Variants in KDM3B observed in about 807,000 individuals in gnomAD.
The protein encoded by KDM3B is lysine demethylase 3B.
Under a neutral mutation model 170.0 loss-of-function variants are expected in KDM3B, and 10 were observed. The observed-to-expected ratio is 0.06, with a 90% CI of 0.04 to 0.10. The LOEUF (loss-of-function observed/expected upper bound fraction) is 0.10, where lower values mean the gene tolerates loss of function less well. KDM3B is among the 10% of genes least tolerant of loss of function. The pLI is 1.00. For missense variants in KDM3B, 1,394 were observed against 2,195.2 expected, an observed-to-expected ratio of 0.64 and a Z score of 7.29; for synonymous variants, 831 against 834.8, an observed-to-expected ratio of 1.00 and a Z score of 0.08.
At chr5:138,353,233 A>T (rs1479654712) in intron 1 of KDM3B, among the ~76,000 whole-genome samples, 1 of 152,174 alleles carries the variant, frequency 6.6e-6, no homozygotes, top group African/African-American at 2.4e-5. Flanking sequence ...GCTTGCAGCC[A>T]GCAGGCCCCG....
At chr5:138,354,239 C>T (rs1761398967) in intron 1 of KDM3B, among the ~76,000 whole-genome samples, 1 of 152,074 alleles carries the variant, frequency 6.6e-6, no homozygotes, top group Non-Finnish European at 1.5e-5. Flanking sequence ...TTTCTTCATG[C>T]TGTATAAGAA....
chr5:138,407,157 T>C (rs1762845099), intron 11 of KDM3B, among the ~76,000 whole-genome samples: 1 of 151,988 alleles, frequency 6.6e-6, no homozygotes, highest in South Asian at 2.1e-4. Context: ...AGCTAATTTC[T>C]GTATTTTTAG....
intron 6 of KDM3B, among the ~76,000 whole-genome samples, chr5:138,383,012 C>T (rs1288587818): frequency 2.0e-5 from 3 of 152,156 alleles, no homozygotes; most frequent in East Asian, 1.9e-4. Flanking sequence ...AGGCTGCTTA[C>T]TCACGTATGA....
chr5:138,362,252 G>A (rs1761627236), intron 1 of KDM3B, among the ~76,000 whole-genome samples: 1 of 151,884 alleles, frequency 6.6e-6, no homozygotes. Context: ...GGGAGGCAGA[G>A]GTTGCAGTGA....
chr5:138,376,388 A>G (rs1283747760), intron 3 of KDM3B, among the ~76,000 whole-genome samples: 1 of 152,102 alleles, frequency 6.6e-6, no homozygotes, highest in African/African-American at 2.4e-5. Flanking sequence ...AGATTTAAGA[A>G]CACAATTCTG....
At chr5:138,372,248 A>G (rs1226317181) in intron 1 of KDM3B, among the ~76,000 whole-genome samples, 1 of 152,228 alleles carries the variant, frequency 6.6e-6, no homozygotes, top group East Asian at 1.9e-4. Context: ...AGTCATTTCA[A>G]TAGAAGTATT....
intron 11 of KDM3B, among the ~76,000 whole-genome samples, chr5:138,403,284 T>A (rs533748635): frequency 4.6e-5 from 7 of 152,278 alleles, no homozygotes; most frequent in African/African-American, 1.7e-4. Context: ...TAATCAGTAA[T>A]TATCGAGTGT....
chr5:138,428,940 C>CTTTTTTTTTTT (rs397884825), intron 20 of KDM3B, among the ~76,000 whole-genome samples: 1 of 101,230 alleles, frequency 9.9e-6, no homozygotes, highest in Non-Finnish European at 2.1e-5. Context: ...GGGATAATTT[C>CTTTTTTTTTTT]TTTTTTTTTT....
At chr5:138,420,196 G>T (rs1196001265) in intron 14 of KDM3B, among the ~76,000 whole-genome samples, 1 of 152,150 alleles carries the variant, frequency 6.6e-6, no homozygotes, top group Non-Finnish European at 1.5e-5. Flanking sequence ...CCATATACAA[G>T]ACTTTTAACA....
Position 138,386,186 on chromosome 5 carries a change from T to C in KDM3B, c.945T>C (p.Asp315=). 1 of 1,614,012 alleles carries C rather than the reference T, an allele frequency of 6.2e-7. No homozygotes were observed. Among genetic ancestry groups the C allele is most frequent in the East Asian group, 2.2e-5 (1 of 44,872 alleles). The change falls in exon 7 of 24, where the codon GAT becomes GAC. Residue 315 remains aspartate (D), a synonymous_variant. Transcript: ENST00000314358. ...DRGEVDSNGS[D]GGEASRGPWK... ...GTGAAGTAGACAGTAATGGGAGCGA[T>C]GGAGGTGAGGCAAGCCGAGGGCCCT... is the stretch of plus-strand genomic sequence containing the variant.
chr5:138,366,831 CA>C (rs1468106702), intron 1 of KDM3B, among the ~76,000 whole-genome samples: 1 of 152,166 alleles, frequency 6.6e-6, no homozygotes, highest in African/African-American at 2.4e-5. Context: ...TAAAGATATT[CA>C]AATGCATAAT....
At chr5:138,387,519 C>T (rs1045352199) in intron 7 of KDM3B, among the ~76,000 whole-genome samples, 16 of 152,116 alleles carry the variant, frequency 1.1e-4, no homozygotes, top group Admixed American at 3.3e-4. Context: ...CATCCTAAAA[C>T]GGAATCATTT....
intron 7 of KDM3B, among the ~76,000 whole-genome samples, chr5:138,389,531 G>A (rs989721695): frequency 2.0e-5 from 3 of 152,054 alleles, no homozygotes; most frequent in Admixed American, 6.6e-5. Flanking sequence ...ACAGTGTTGC[G>A]AAACTATGAA....
At chr5:138,430,008 A>T in intron 21 of KDM3B, 43 bp downstream of exon 21, 2 of 1,606,212 alleles carry the variant, frequency 1.2e-6, no homozygotes, top group Non-Finnish European at 1.7e-6. Flanking sequence ...ACATATCAAG[A>T]GTCTCGTTGC....
At chr5:138,408,330 TTC>T (rs750712696) in intron 11 of KDM3B, among the ~76,000 whole-genome samples, 11 of 151,612 alleles carry the variant, frequency 7.3e-5, no homozygotes, top group Non-Finnish European at 1.3e-4. Context: ...CTGTTTTACT[TTC>T]TCTTTCTTTC....
intron 14 of KDM3B, 84 bp from the exon 15 acceptor site, chr5:138,420,622 C>T: frequency 2.8e-6 from 4 of 1,423,274 alleles, no homozygotes; most frequent in Non-Finnish European, 3.9e-6. Context: ...TTTCCTCCTT[C>T]CCATGTGACT....
At chr5:138,390,983 C>T (rs1157222186) in intron 7 of KDM3B, 30 bp from the exon 8 acceptor site, 2 of 1,512,682 alleles carry the variant, frequency 1.3e-6, no homozygotes, top group African/African-American at 1.4e-5. Context: ...GAGAAGCCAG[C>T]ATCACTAATT....
At chr5:138,389,789 T>G (rs1259180564) in intron 7 of KDM3B, among the ~76,000 whole-genome samples, 2 of 151,096 alleles carry the variant, frequency 1.3e-5, no homozygotes, top group Admixed American at 1.3e-4. Flanking sequence ...TCTCTGTGTG[T>G]GTGTGTGTGT....
chr5:138,355,790 G>C (rs1761434513), intron 1 of KDM3B, among the ~76,000 whole-genome samples: 1 of 152,104 alleles, frequency 6.6e-6, no homozygotes, highest in Non-Finnish European at 1.5e-5. Context: ...ACCAAAAAAA[G>C]AAACCCATGG....
Sources: gnomAD v4.1 joint callset for allele counts (sites outside exome capture counted in the v4.1 genomes callset) on GRCh38, gnomAD v4.1.1 for gene constraint, MANE v1.5 for transcripts, NCBI Gene and HGNC (gene_info 2026-07-23, HGNC 2026-07-21) for gene names.